The following ACAD11 variants were observed in gnomAD, a reference collection of about 807,000 sequenced individuals.
ACAD11 encodes acyl-Coenzyme A dehydrogenase family, member 11.
In ACAD11, 83 loss-of-function variants were observed where a neutral mutation model predicts 102.2. The observed-to-expected ratio is 0.81, with a 90% confidence interval of 0.68 to 0.97. The LOEUF (loss-of-function observed/expected upper bound fraction) is 0.97. Ranked by LOEUF, ACAD11 falls within the 50% of genes least tolerant of loss-of-function variation. The probability of loss-of-function intolerance (pLI) is 0.00; values close to 1 mark genes in which losing one functional copy is unlikely to be tolerated. For missense variants in ACAD11, 901 were observed against 951.7 expected (o/e 0.95, Z 0.70); for synonymous variants, 324 against 319.8 (o/e 1.01, Z -0.14).
At chr3:132,653,031 A>C (rs1937614205) in intron 1 of ACAD11, among the ~76,000 whole-genome samples, 2 of 152,184 alleles carry the variant, frequency 1.3e-5, no homozygotes, top group Non-Finnish European at 1.5e-5. Context: ...GGAAGCAAAA[A>C]CCAACAAAGG....
chr3:132,625,041 T>C (rs770164451), intron 9 of ACAD11, among the ~76,000 whole-genome samples: 1 of 152,166 alleles, frequency 6.6e-6, no homozygotes, highest in Non-Finnish European at 1.5e-5. Flanking sequence ...ACACCATTGC[T>C]ATAACAGGTT....
chr3:132,565,640 T>C (rs1297159726), intron 17 of ACAD11, among the ~76,000 whole-genome samples: 1 of 152,192 alleles, frequency 6.6e-6, no homozygotes, highest in African/African-American at 2.4e-5. Context: ...GCTTGTCTCC[T>C]CCAAATCGCA....
chr3:132,592,824 C>T (rs1442633558), intron 13 of ACAD11, among the ~76,000 whole-genome samples: 1 of 152,000 alleles, frequency 6.6e-6, no homozygotes, highest in Non-Finnish European at 1.5e-5. Context: ...GTTCATTGTA[C>T]AATCCCACAG....
In ACAD11 at chr3:132,603,892, T is replaced by C. The variant is rs181061515; in HGVS notation, c.1523-565A>G. Among the ~76,000 whole-genome samples, 37 of 152,350 alleles carry C rather than the reference T, an allele frequency of 2.4e-4. No homozygotes were observed. In the East Asian group the frequency reaches 6.0e-3, roughly 25 times the overall value. ...TTCAGAACTGTCTAGCTCTCAATCA[T>C]AGCAATCTGCACTTGCTAATATGAC... On this transcript the variant is annotated intron_variant, in intron 12 of 19. Coordinates refer to ENST00000264990, the MANE Select transcript of ACAD11 (RefSeq NM_032169.5).
intron 9 of ACAD11, among the ~76,000 whole-genome samples, chr3:132,624,574 C>T (rs1939737208): frequency 7.2e-6 from 1 of 139,480 alleles, no homozygotes; most frequent in South Asian, 2.5e-4. Context: ...CACTGCACTC[C>T]AGCCTGGGCA....
chr3:132,641,638 A>AGAGGAAGAAGAG lies in ACAD11; in HGVS notation c.537+322_537+333dup, dbSNP rs1196854380. Among the ~76,000 whole-genome samples, 1,078 of 122,160 alleles carry AGAGGAAGAAGAG rather than the reference A, an allele frequency of 8.8e-3. 17 individuals are homozygous for AGAGGAAGAAGAG. Among genetic ancestry groups the AGAGGAAGAAGAG allele is most frequent in the Non-Finnish European group, 0.012 (730 of 61,362 alleles). 80.1% of individuals were successfully genotyped at this position (122,160 alleles called of 152,430 possible). On this transcript the variant is annotated intron_variant, in intron 4 of 19. Coordinates refer to ENST00000264990, the MANE Select transcript of ACAD11 (RefSeq NM_032169.5). ...AAGAGGAGGAAGAAGAGGAGGAAGA[A>AGAGGAAGAAGAG]GAGGAAGAAGAGGAGGAAGAAGAGG...
chr3:132,567,015 A>G (rs528344978), intron 17 of ACAD11, among the ~76,000 whole-genome samples: 75 of 152,264 alleles, frequency 4.9e-4, no homozygotes, highest in Non-Finnish European at 8.2e-4. Flanking sequence ...GTCTCACTCT[A>G]TCTCCCAGGC....
chr3:132,578,899 T>G lies in ACAD11; in HGVS notation c.1689-18A>C. On this transcript the variant is annotated intron_variant, in intron 14 of 19. Transcript: ENST00000264990. Reference sequence around the variant, plus strand: ...GTTTGTGTCTAGTCAAAAGAAAAATTGTATTAGAAAAAGTTTGCTAAGAAG... The same window carrying G: ...GTTTGTGTCTAGTCAAAAGAAAAATGGTATTAGAAAAAGTTTGCTAAGAAG... The G allele has an allele frequency of 1.9e-6, 3 of 1,610,952 alleles. No homozygotes were observed. Among genetic ancestry groups the G allele is most frequent in the South Asian group, 1.1e-5 (1 of 90,926 alleles).
At chr3:132,613,435 A>T (rs200498142) in intron 11 of ACAD11, among the ~76,000 whole-genome samples, 1 of 146,854 alleles carries the variant, frequency 6.8e-6, no homozygotes, top group South Asian at 2.2e-4. Context: ...AAACAAAAAA[A>T]GAAAACCAGC....
chr3:132,570,256 G>A (rs543344258), intron 17 of ACAD11, among the ~76,000 whole-genome samples: 1 of 152,200 alleles, frequency 6.6e-6, no homozygotes, highest in Admixed American at 6.5e-5. Flanking sequence ...GAGTTTTTTG[G>A]TTTCCAATTC....
At chr3:132,636,070 A>ATATCTGAACCATT (rs1940262645) in intron 5 of ACAD11, among the ~76,000 whole-genome samples, 1 of 152,166 alleles carries the variant, frequency 6.6e-6, no homozygotes, top group Admixed American at 6.6e-5. Flanking sequence ...ACTTTTCAGA[A>ATATCTGAACCATT]TATCTGAACC....
At chr3:132,588,302 G>A (rs778409212) in intron 13 of ACAD11, among the ~76,000 whole-genome samples, 1 of 152,066 alleles carries the variant, frequency 6.6e-6, no homozygotes, top group Non-Finnish European at 1.5e-5. Flanking sequence ...CCAGACTAGC[G>A]TAGAACTCCC....
chr3:132,625,631 C>T (rs966251360), intron 9 of ACAD11, among the ~76,000 whole-genome samples: 5 of 152,234 alleles, frequency 3.3e-5, no homozygotes, highest in African/African-American at 1.2e-4. Flanking sequence ...ATACCCTATT[C>T]TGTGAGCAAA....
rs1466893170 is a variant in ACAD11, at chr3:132,558,793, G to A, written c.*178C>T. 3.5e-6 allele frequency: 2 copies of A among 563,878 alleles called. No individual in the cohort carries two copies. The highest frequency in any genetic ancestry group is 6.2e-5 in the East Asian group (2 of 32,490). The allele number at this position is 563,878 out of a possible 1,614,324, so 34.9% of individuals were successfully genotyped here. A position where few individuals can be genotyped will look rare whatever the true frequency, so the allele number is the denominator to read the frequency against. ...AGCATTTCTTACTGAACTTAACCCT[G>A]TGTGACCCTTGAAATAATAAAACCC... is the stretch of plus-strand genomic sequence containing the variant. On this transcript the variant is annotated 3_prime_UTR_variant, in exon 20 of 20. Coordinates refer to ENST00000264990, the MANE Select transcript of ACAD11 (RefSeq NM_032169.5).
chr3:132,574,717 T>G (rs940880287), intron 17 of ACAD11, among the ~76,000 whole-genome samples: 1 of 152,204 alleles, frequency 6.6e-6, no homozygotes. Context: ...TAATAATAGT[T>G]TTTCTTGCCT....
At chr3:132,577,189 A>G (rs969443918) in intron 15 of ACAD11, among the ~76,000 whole-genome samples, 174 bp from the exon 16 acceptor site, 1 of 149,424 alleles carries the variant, frequency 6.7e-6, no homozygotes, top group Non-Finnish European at 1.5e-5. Context: ...CAGCCCAGAA[A>G]ACTCATCAAC....
intron 17 of ACAD11, among the ~76,000 whole-genome samples, chr3:132,567,870 T>C (rs1414000560): frequency 6.6e-6 from 1 of 152,064 alleles, no homozygotes; most frequent in Non-Finnish European, 1.5e-5. Context: ...GCCAGTGCAA[T>C]AAGACAAAGG....
At position 132,612,106 on chromosome 3, in the gene ACAD11, CA is replaced by C. The variant is rs879533983; in HGVS notation, c.1414+6527del. On this transcript the variant is annotated intron_variant, in intron 11 of 19. Transcript: ENST00000264990. ...ACTATCTGATCTTTGATAAACCTGA[CA>C]AAAACAAGAAATGGGGAAAGGATTC... 7.4e-4 allele frequency among the ~76,000 whole-genome samples: 113 copies of C among 152,008 alleles called. 2 individuals are homozygous for C. In the East Asian group the frequency reaches 0.019, roughly 25 times the overall value.
chr3:132,607,468 C>T (rs931211525), intron 11 of ACAD11, among the ~76,000 whole-genome samples: 10 of 151,960 alleles, frequency 6.6e-5, no homozygotes, highest in African/African-American at 1.9e-4. Flanking sequence ...ACGAGAACTT[C>T]GTGAAGTATA....
Sources: allele counts gnomAD v4.1 joint callset (sites outside exome capture counted in the v4.1 genomes callset), GRCh38; gene constraint gnomAD v4.1.1; transcripts MANE v1.5; gene names NCBI Gene and HGNC (gene_info 2026-07-23, HGNC 2026-07-21).